The following SEZ6L variants were observed in gnomAD, a reference collection of about 807,000 sequenced individuals.
SEZ6L encodes seizure 6-like protein.
In SEZ6L, 37 loss-of-function variants were observed where a neutral mutation model predicts 106.2. The observed-to-expected ratio is 0.35, with a 90% CI of 0.27 to 0.46. The LOEUF (loss-of-function observed/expected upper bound fraction) is 0.46. Among genes scored for constraint, SEZ6L ranks in the 20% least tolerant of loss-of-function variants. The pLI, the probability that SEZ6L is intolerant of heterozygous loss-of-function variation, is 1.00. For missense variants in SEZ6L, 1,172 were observed against 1,332.8 expected (o/e 0.88, Z 1.88); for synonymous variants, 541 against 570.4 (o/e 0.95, Z 0.73).
intron 1 of SEZ6L, among the ~76,000 whole-genome samples, chr22:26,277,711 C>T (rs542502269): frequency 1.5e-4 from 23 of 152,300 alleles, no homozygotes; most frequent in Non-Finnish European, 1.2e-4. Context: ...GCACTGCAGG[C>T]ACACTTGTGA....
At chr22:26,181,941 A>G (rs2123778659) in intron 1 of SEZ6L, among the ~76,000 whole-genome samples, 1 of 152,354 alleles carries the variant, frequency 6.6e-6, no homozygotes, top group South Asian at 2.1e-4. Flanking sequence ...GCAAGAGCTC[A>G]GTCGTGAGAC....
At chr22:26,378,983 C>G (rs2084324415) in intron 16 of SEZ6L, among the ~76,000 whole-genome samples, 1 of 152,290 alleles carries the variant, frequency 6.6e-6, no homozygotes, top group South Asian at 2.1e-4. Flanking sequence ...GTCAGGAAGC[C>G]AGGCACAGCT....
chr22:26,351,536 T>TGTTG (rs141602798), intron 12 of SEZ6L: 2 of 162,498 alleles, frequency 1.2e-5, no homozygotes, highest in African/African-American at 1.8e-4. Flanking sequence ...TTTGTTTGTT[T>TGTTG]GTTTGTTTGT....
chr22:26,302,699 CCTCT>C (rs1485053473), intron 5 of SEZ6L, among the ~76,000 whole-genome samples: 2 of 152,134 alleles, frequency 1.3e-5, no homozygotes, highest in Non-Finnish European at 2.9e-5. Context: ...GGTCTTCACG[CCTCT>C]CTCACATTAA....
intron 1 of SEZ6L, among the ~76,000 whole-genome samples, chr22:26,229,808 G>A (rs528961458): frequency 2.0e-5 from 3 of 152,332 alleles, no homozygotes; most frequent in African/African-American, 4.8e-5. Flanking sequence ...GAGCTAAGAA[G>A]CATTTCAGGA....
chr22:26,373,454 A>G lies in SEZ6L; in HGVS notation c.2798A>G (p.Asn933Ser). 1 of 1,603,624 alleles carries G rather than the reference A, an allele frequency of 6.2e-7. No homozygotes were observed. The highest frequency in any genetic ancestry group is 8.5e-7 in the Non-Finnish European group (1 of 1,176,640). ...WNGPLPVCKV[N>S]QDSFEHALEV... ...TGCTTCCTGATTTCTCTTTCAGTTAATCAAGACAGTTTTGAACATGCTTTA... is the reference window on the plus strand; with the variant it reads ...TGCTTCCTGATTTCTCTTTCAGTTAGTCAAGACAGTTTTGAACATGCTTTA... Residue 933 changes from asparagine to serine, a missense_variant, in exon 14 of 17, where the codon AAT becomes AGT. Around this residue, in one of 4 missense-constraint regions of SEZ6L, gnomAD observed 141 missense variants for 176.0 expected, o/e 0.80. Coordinates refer to ENST00000248933, the MANE Select transcript of SEZ6L (RefSeq NM_021115.5).
intron 1 of SEZ6L, among the ~76,000 whole-genome samples, chr22:26,198,618 T>A (rs1406850453): frequency 6.6e-6 from 1 of 152,254 alleles, no homozygotes; most frequent in Non-Finnish European, 1.5e-5. Context: ...TGGTGAGGGC[T>A]GTTCTCTGCT....
chr22:26,344,031 A>G (rs188243309), intron 10 of SEZ6L, among the ~76,000 whole-genome samples: 94 of 152,294 alleles, frequency 6.2e-4, no homozygotes, highest in African/African-American at 2.0e-3. Flanking sequence ...TTTACCATAC[A>G]TGGGAGTTAC....
chr22:26,183,032 TG>T (rs986584722), intron 1 of SEZ6L, among the ~76,000 whole-genome samples: 1 of 152,158 alleles, frequency 6.6e-6, no homozygotes, highest in Non-Finnish European at 1.5e-5. Context: ...AGCAGACCCC[TG>T]GGAAGGCTGA....
rs968810379 is a variant in SEZ6L, at chr22:26,313,669, G to A, written c.1877-95G>A. 67 of 1,451,744 alleles carry A rather than the reference G, an allele frequency of 4.6e-5. 1 individual carries two copies. In the Middle Eastern group the frequency reaches 1.0e-3, roughly 22 times the overall value. The allele number at this position is 1,451,744 out of a possible 1,614,324, so 89.9% of individuals were successfully genotyped here. A position where few individuals can be genotyped will look rare whatever the true frequency, so the allele number is the denominator to read the frequency against. On this transcript the variant is annotated intron_variant, in intron 8 of 16. Transcript: ENST00000248933. ...CTGTCCACAGTACACAGAGATTCAC[G>A]GCTGTCTGACTTCATAGCCCACATG...
intron 1 of SEZ6L, among the ~76,000 whole-genome samples, chr22:26,170,483 G>A (rs1473750267): frequency 2.6e-5 from 4 of 152,106 alleles, no homozygotes; most frequent in Non-Finnish European, 4.4e-5. Flanking sequence ...TAGGAATGGG[G>A]GGTGAGGGGT....
chr22:26,316,698 G>T (rs1444023224), intron 9 of SEZ6L, among the ~76,000 whole-genome samples: 1 of 151,986 alleles, frequency 6.6e-6, no homozygotes, highest in South Asian at 2.1e-4. Context: ...CAGGCGTGGT[G>T]GTGGGTGCCT....
At chr22:26,357,212 T>TGGGATTAC (rs1322159931) in intron 12 of SEZ6L, among the ~76,000 whole-genome samples, 1 of 152,186 alleles carries the variant, frequency 6.6e-6, no homozygotes, top group Non-Finnish European at 1.5e-5. Flanking sequence ...CTCAAAGTGC[T>TGGGATTAC]GGGATTACAG....
At chr22:26,236,930 G>A (rs926138328) in intron 1 of SEZ6L, among the ~76,000 whole-genome samples, 1 of 151,992 alleles carries the variant, frequency 6.6e-6, no homozygotes, top group Non-Finnish European at 1.5e-5. Flanking sequence ...TTCATATCCA[G>A]AACCCTCAAC....
intron 1 of SEZ6L, among the ~76,000 whole-genome samples, chr22:26,221,454 G>A (rs1041301864): frequency 3.3e-5 from 5 of 152,168 alleles, no homozygotes; most frequent in Non-Finnish European, 7.3e-5. Flanking sequence ...GAAAGTGACT[G>A]AGAAAGTCAT....
intron 1 of SEZ6L, among the ~76,000 whole-genome samples, chr22:26,181,644 G>A (rs1389720223): frequency 6.6e-6 from 1 of 152,094 alleles, no homozygotes; most frequent in Non-Finnish European, 1.5e-5. Flanking sequence ...TCTAGGCCTC[G>A]ATTTCCTCAA....
chr22:26,366,840 G>T lies in SEZ6L; in HGVS notation c.2794+1274G>T, dbSNP rs138306474. 5.3e-3 allele frequency among the ~76,000 whole-genome samples: 801 copies of T among 152,194 alleles called. 6 individuals carry two copies. The highest frequency in any genetic ancestry group is 0.019 in the African/African-American group (774 of 41,504). ...TTACTAAATTTTTTTGTAGAGACAG[G>T]GTCTTGCTATGTTGGCCAGGCTGGC... On this transcript the variant is annotated intron_variant, in intron 13 of 16. Coordinates refer to ENST00000248933, the MANE Select transcript of SEZ6L (RefSeq NM_021115.5).
At chr22:26,320,280 T>C (rs1353280053) in intron 9 of SEZ6L, among the ~76,000 whole-genome samples, 1 of 151,998 alleles carries the variant, frequency 6.6e-6, no homozygotes, top group Non-Finnish European at 1.5e-5. Context: ...GCCTGTATCA[T>C]TCTCCCGGGT....
intron 9 of SEZ6L, among the ~76,000 whole-genome samples, chr22:26,325,975 A>T (rs2082294812): frequency 6.6e-6 from 1 of 151,828 alleles, no homozygotes; most frequent in Non-Finnish European, 1.5e-5. Flanking sequence ...CTGAGCTTGC[A>T]GTTTGAGTGT....
Sources: allele counts gnomAD v4.1 joint callset (sites outside exome capture counted in the v4.1 genomes callset), GRCh38; gene constraint gnomAD v4.1.1; regional missense constraint gnomAD v4.1.1; transcripts MANE v1.5; gene names NCBI Gene and HGNC (gene_info 2026-07-23, HGNC 2026-07-21).